The following KAZN variants were observed in gnomAD, a reference collection of about 807,000 sequenced individuals.
The protein encoded by KAZN is kazrin, periplakin interacting protein.
KAZN carries 40 observed loss-of-function variants against 87.4 expected under a neutral mutation model. That is an observed-to-expected ratio of 0.46 (90% CI 0.36 to 0.60). The LOEUF (loss-of-function observed/expected upper bound fraction) is 0.60. KAZN is among the 20% of genes least tolerant of loss of function. The pLI is 0.00. For synonymous variants in KAZN, 466 were observed against 458.3 expected (o/e 1.02, Z -0.22); for missense variants, 898 against 1,073.9 (o/e 0.84, Z 2.29).
intron 1 of KAZN, among the ~76,000 whole-genome samples, chr1:13,965,146 A>T (rs1421219243): frequency 6.6e-6 from 1 of 152,096 alleles, no homozygotes; most frequent in Non-Finnish European, 1.5e-5. Context: ...CCTGAGTGAC[A>T]TGGAGGGGTG....
At chr1:14,993,329 C>A (rs377313951) in intron 2 of KAZN, among the ~76,000 whole-genome samples, 10 of 151,668 alleles carry the variant, frequency 6.6e-5, no homozygotes, top group Admixed American at 6.6e-4. Flanking sequence ...ATTAGCCGGG[C>A]GTGGTGGCAG....
At chr1:15,073,820 C>T (rs745637331) in intron 8 of KAZN, among the ~76,000 whole-genome samples, 9 of 152,180 alleles carry the variant, frequency 5.9e-5, no homozygotes, top group Non-Finnish European at 1.2e-4. Context: ...GGTCTGGGGC[C>T]AGTGATATCC....
At chr1:14,859,491 G>A (rs530646828) in intron 1 of KAZN, among the ~76,000 whole-genome samples, 5 of 152,170 alleles carry the variant, frequency 3.3e-5, no homozygotes, top group Admixed American at 2.6e-4. Context: ...TTGAAAATCC[G>A]GCTCAAATCT....
At chr1:14,575,492 T>C (rs1295377363) in intron 2 of KAZN, among the ~76,000 whole-genome samples, 4 of 152,092 alleles carry the variant, frequency 2.6e-5, no homozygotes, top group African/African-American at 7.2e-5. Context: ...CATGATTCAA[T>C]TATCTCCCAC....
chr1:14,783,411 G>A (rs754411456), intron 1 of KAZN, among the ~76,000 whole-genome samples: 23 of 152,014 alleles, frequency 1.5e-4, no homozygotes, highest in Non-Finnish European at 2.4e-4. Context: ...TGTCCTTCAC[G>A]GTGACCCCGA....
chr1:14,268,591 A>G (rs145847431), intron 2 of KAZN, among the ~76,000 whole-genome samples: 1 of 152,280 alleles, frequency 6.6e-6, no homozygotes, highest in African/African-American at 2.4e-5. Flanking sequence ...TCTGTTTTCA[A>G]TGATGATGCA....
At chr1:14,187,172 G>T (rs113611023) in intron 2 of KAZN, among the ~76,000 whole-genome samples, 45 of 152,202 alleles carry the variant, frequency 3.0e-4, no homozygotes, top group East Asian at 3.9e-4. Context: ...AGGAGTAATT[G>T]ATTTCCTACT....
At chr1:14,919,197 G>C (rs1188399461) in intron 1 of KAZN, among the ~76,000 whole-genome samples, 1 of 152,188 alleles carries the variant, frequency 6.6e-6, no homozygotes, top group Non-Finnish European at 1.5e-5. Flanking sequence ...GTTTGTTTTT[G>C]AGACAGTCTC....
At chr1:13,940,934 C>T (rs1245136315) in intron 1 of KAZN, among the ~76,000 whole-genome samples, 1 of 152,186 alleles carries the variant, frequency 6.6e-6, no homozygotes, top group Non-Finnish European at 1.5e-5. Flanking sequence ...GTGGCTCACA[C>T]CTGTAAACCC....
chr1:14,577,152 C>T lies in KAZN; in HGVS notation c.250-21831C>T, dbSNP rs142671028. Among the ~76,000 whole-genome samples, 27 of 152,286 alleles carry T rather than the reference C, an allele frequency of 1.8e-4. No homozygotes were observed. In the East Asian group the frequency reaches 4.8e-3, roughly 27 times the overall value. On this transcript the variant is annotated intron_variant, in intron 2 of 16. Transcript: ENST00000636203. ...AACTGCATCCTACTGATATTGCTAACCCCCTTTAATCAGTAAGAATAAAAT... is the reference window on the plus strand; with the variant it reads ...AACTGCATCCTACTGATATTGCTAATCCCCTTTAATCAGTAAGAATAAAAT...
At chr1:15,041,040 T>C (rs1390807114) in intron 3 of KAZN, among the ~76,000 whole-genome samples, 1 of 151,860 alleles carries the variant, frequency 6.6e-6, no homozygotes, top group African/African-American at 2.4e-5. Context: ...AACTTCTGCC[T>C]CCTGAGTTCA....
intron 2 of KAZN, among the ~76,000 whole-genome samples, chr1:14,395,916 C>G (rs967631386): frequency 1.3e-5 from 2 of 152,068 alleles, no homozygotes; most frequent in Non-Finnish European, 2.9e-5. Context: ...TGCCTGTAAT[C>G]CCAGCACTTT....
At chr1:14,504,370 A>G (rs10803284) in intron 2 of KAZN, among the ~76,000 whole-genome samples, 26,135 of 152,186 alleles carry the variant, frequency 0.17, 2,519 homozygotes, top group Non-Finnish European at 0.22. Flanking sequence ...TAGAAAAGAT[A>G]CGGGAATTCA....
At chr1:15,108,082 G>A (rs1641357877) in intron 13 of KAZN, among the ~76,000 whole-genome samples, 2 of 152,316 alleles carry the variant, frequency 1.3e-5, no homozygotes, top group Admixed American at 6.5e-5. Flanking sequence ...TTTCAATGGA[G>A]AAGAACAATT....
intron 2 of KAZN, among the ~76,000 whole-genome samples, chr1:14,383,400 T>A (rs1382576012): frequency 6.6e-6 from 1 of 152,146 alleles, no homozygotes; most frequent in East Asian, 1.9e-4. Context: ...CATGCCTACA[T>A]CCTGAATGGT....
intron 1 of KAZN, among the ~76,000 whole-genome samples, chr1:14,085,399 T>C (rs1405687869): frequency 6.6e-6 from 1 of 152,186 alleles, no homozygotes; most frequent in African/African-American, 2.4e-5. Context: ...CCCCAGGAGC[T>C]TGCTTGTGTC....
At chr1:14,714,058 A>G (rs1030638799) in intron 1 of KAZN, among the ~76,000 whole-genome samples, 3 of 152,130 alleles carry the variant, frequency 2.0e-5, no homozygotes, top group Non-Finnish European at 4.4e-5. Context: ...CATTAGATCC[A>G]TTTTTACTAA....
At chr1:14,432,188 A>G (rs1666111336) in intron 2 of KAZN, among the ~76,000 whole-genome samples, 1 of 152,210 alleles carries the variant, frequency 6.6e-6, no homozygotes, top group South Asian at 2.1e-4. Flanking sequence ...CCCAAAGAAC[A>G]ACTTTTTCTA....
At chr1:14,452,536 G>C (rs1667333633) in intron 2 of KAZN, among the ~76,000 whole-genome samples, 2 of 152,194 alleles carry the variant, frequency 1.3e-5, no homozygotes, top group Admixed American at 1.3e-4. Context: ...TTGGATTTAT[G>C]ACTCTTCATC....
Sources: gnomAD v4.1 joint callset for allele counts (sites outside exome capture counted in the v4.1 genomes callset) on GRCh38, gnomAD v4.1.1 for gene constraint, MANE v1.5 for transcripts, NCBI Gene and HGNC (gene_info 2026-07-23, HGNC 2026-07-21) for gene names.